Variants in NCAN observed in about 807,000 individuals in gnomAD.
NCAN encodes neurocan, also known as neurocan core protein.
Under a neutral mutation model 121.8 loss-of-function variants are expected in NCAN, and 47 were observed. The ratio of observed to expected loss-of-function variants is 0.39; its 90% CI spans 0.31 to 0.49. The LOEUF (loss-of-function observed/expected upper bound fraction) is 0.49. Among genes scored for constraint, NCAN ranks in the 20% least tolerant of loss-of-function variants. NCAN has a pLI of 0.92. For missense variants in NCAN, 1,517 were observed against 1,773.4 expected (o/e 0.86, Z 2.60); for synonymous variants, 633 against 702.0 (o/e 0.90, Z 1.55).
intron 11 of NCAN, among the ~76,000 whole-genome samples, chr19:19,239,753 T>C (rs1599821006): frequency 8.6e-6 from 1 of 116,384 alleles, no homozygotes; most frequent in Non-Finnish European, 1.7e-5. Context: ...CTTCTACTCC[T>C]CCTCCTTCTC....
rs935003459 is a variant in NCAN, at chr19:19,235,093, A to G, written c.3247A>G (p.Lys1083Glu). 1 of 1,609,754 alleles carries G rather than the reference A, an allele frequency of 6.2e-7. No homozygotes were observed. The highest frequency in any genetic ancestry group is 1.3e-5 in the African/African-American group (1 of 74,834). The change falls in exon 10 of 15, where the codon AAA becomes GAA. Residue 1083 changes from lysine to glutamate, a missense_variant. Coordinates refer to ENST00000252575, the MANE Select transcript of NCAN (RefSeq NM_004386.3). ...CAGCTATGGGGGCAGCTTTTGTGAG[A>G]AAGGTGAGTTTCTATTGCAACACCA... The part of the protein sequence containing the change: ...LPSYGGSFCE[K>E]DTEGCDRGWH...
intron 13 of NCAN, among the ~76,000 whole-genome samples, chr19:19,247,549 G>A (rs1359349045): frequency 1.3e-5 from 2 of 151,854 alleles, no homozygotes; most frequent in African/African-American, 4.8e-5. Flanking sequence ...CACCGCACCC[G>A]GCCCTTATTT....
At chr19:19,220,731 AC>A (rs1354003756) in intron 3 of NCAN, among the ~76,000 whole-genome samples, 3 of 152,024 alleles carry the variant, frequency 2.0e-5, no homozygotes, top group Admixed American at 6.6e-5. Context: ...TGCTAGGATT[AC>A]CAGGCATGAG....
chr19:19,245,947 C>T (rs538659837), intron 13 of NCAN, among the ~76,000 whole-genome samples: 16 of 152,226 alleles, frequency 1.1e-4, no homozygotes, highest in Middle Eastern at 3.4e-3. Context: ...ATAGGCCGCT[C>T]GGGGTGGCTC....
Position 19,225,252 on chromosome 19 carries a change from G to C in NCAN, c.1054G>C (p.Asp352His), listed in dbSNP as rs769417670. 1 of 1,550,012 alleles carries C rather than the reference G, an allele frequency of 6.5e-7. No individual in the cohort carries two copies. The highest frequency in any genetic ancestry group is 2.5e-5 in the East Asian group (1 of 39,584). The change falls in exon 6 of 15, where the codon GAC becomes CAC. Residue 352 changes from aspartate (D) to histidine (H), a missense_variant. Physicochemically the swap from Asp to His is moderately conservative, Grantham distance 81 (BLOSUM62 -1). Coordinates refer to ENST00000252575, the MANE Select transcript of NCAN (RefSeq NM_004386.3). This position sits in a 1 kb window ranked among gnomAD's most constrained non-coding sequence, Gnocchi z 4.0. ...CTTCCCCTCACCCGCCGAGCGCTTCGACGCCTACTGCTTCCGAGGTGCGTG... is the reference window on the plus strand; with the variant it reads ...CTTCCCCTCACCCGCCGAGCGCTTCCACGCCTACTGCTTCCGAGGTGCGTG... ...TGFPSPAERF[D>H]AYCFRAHHPT...
In NCAN at chr19:19,225,263, C is replaced by A; in HGVS notation, c.1065C>A (p.Cys355Ter). The A allele has an allele frequency of 6.5e-7, 1 of 1,538,318 alleles. No homozygotes were observed. Among genetic ancestry groups the A allele is most frequent in the Non-Finnish European group, 8.7e-7 (1 of 1,155,846 alleles). Residue 355 changes from cysteine to a stop codon, truncating the protein, a stop_gained, in exon 6 of 15, where the codon TGC (cysteine) becomes TGA (stop). Transcript: ENST00000252575. LOFTEE classifies it high-confidence loss of function. This position sits in a 1 kb window ranked among gnomAD's most constrained non-coding sequence, Gnocchi z 4.0. ...PSPAERFDAY[C>*]FRAHHPTSQH... ...CCGCCGAGCGCTTCGACGCCTACTG[C>A]TTCCGAGGTGCGTGCGTCCCCTGGT...
chr19:19,222,398 C>T (rs962592465), intron 3 of NCAN, among the ~76,000 whole-genome samples: 6 of 152,176 alleles, frequency 3.9e-5, no homozygotes, highest in Admixed American at 6.5e-5. Flanking sequence ...CCTGCTTCAG[C>T]CTCTGGAGTA....
chr19:19,245,439 G>A lies in NCAN; in HGVS notation c.3619G>A (p.Val1207Ile). The change falls in exon 13 of 15, where the codon GTC becomes ATC. Residue 1207 changes from valine (V) to isoleucine (I), a missense_variant. Coordinates refer to ENST00000252575, the MANE Select transcript of NCAN (RefSeq NM_004386.3). ...CCCCTGCAACTACAACCTACCCTAT[G>A]TCTGCAAGAAGGGCACAGGTATGCT... ...DVPCNYNLPY[V>I]CKKGTVLCGP... 1 of 1,614,126 alleles carries A rather than the reference G, an allele frequency of 6.2e-7. No individual in the cohort carries two copies. The highest frequency in any genetic ancestry group is 8.5e-7 in the Non-Finnish European group (1 of 1,179,988).
At chr19:19,215,761 G>A (rs1389985380) in intron 1 of NCAN, among the ~76,000 whole-genome samples, 2 of 152,212 alleles carry the variant, frequency 1.3e-5, no homozygotes, top group Non-Finnish European at 2.9e-5. Flanking sequence ...ATGGCTTAGA[G>A]GCCAGCCTGC....
chr19:19,236,074 A>G (rs1390961050), intron 10 of NCAN, among the ~76,000 whole-genome samples: 2 of 152,218 alleles, frequency 1.3e-5, no homozygotes, highest in Non-Finnish European at 2.9e-5. Flanking sequence ...TTTCAGTGGC[A>G]TTCTGTACAA....
At chr19:19,249,024 C>G in intron 14 of NCAN, 142 bp downstream of exon 14, 1 of 799,838 alleles carries the variant, frequency 1.3e-6, no homozygotes. Context: ...AACTTACCAG[C>G]CTGTCTGATG....
At chr19:19,213,504 G>T (rs2060783046) in intron 1 of NCAN, among the ~76,000 whole-genome samples, 1 of 104,652 alleles carries the variant, frequency 9.6e-6, no homozygotes, top group Non-Finnish European at 1.9e-5. Flanking sequence ...AGGGGTTTAT[G>T]TGGGGGGGGG....
intron 1 of NCAN, among the ~76,000 whole-genome samples, chr19:19,214,699 A>C (rs2060789610): frequency 6.6e-6 from 1 of 151,050 alleles, no homozygotes; most frequent in African/African-American, 2.4e-5. Flanking sequence ...AAGCAGAGCT[A>C]TCTGGATGTA....
chr19:19,225,190 G>C lies in NCAN; in HGVS notation c.992G>C (p.Gly331Ala). 1 of 1,555,662 alleles carries C rather than the reference G, an allele frequency of 6.4e-7. No homozygotes were observed. The highest frequency in any genetic ancestry group is 8.6e-7 in the Non-Finnish European group (1 of 1,162,040). The change falls in exon 6 of 15, where the codon GGC becomes GCC. Residue 331 changes from glycine to alanine, a missense_variant. Transcript: ENST00000252575. The surrounding 1 kb of genome is among the most constrained non-coding windows in gnomAD (Gnocchi z 4.0). ...PRRRCGGPAPGVRTVYRFANR... is the reference protein window; with the variant it reads ...PRRRCGGPAPAVRTVYRFANR... ...CGGCGCTGCGGGGGCCCAGCCCCGG[G>C]CGTGCGCACCGTCTACCGCTTCGCT...
rs1029009018 is a variant in NCAN, at chr19:19,212,215, G to A, written c.-8+151G>A. ...GGAGGGGAGCCCTAGGTTGAGGAGGGAGCGCGAACTGGGAGGGGGCTTGGG... is the reference window on the plus strand; with the variant it reads ...GGAGGGGAGCCCTAGGTTGAGGAGGAAGCGCGAACTGGGAGGGGGCTTGGG... On this transcript the variant is annotated intron_variant, in intron 1 of 14. Coordinates refer to ENST00000252575, the MANE Select transcript of NCAN (RefSeq NM_004386.3). This position sits in a 1 kb window ranked among gnomAD's most constrained non-coding sequence, Gnocchi z 4.5. Among the ~76,000 whole-genome samples, 1 of 151,792 alleles carries A rather than the reference G, an allele frequency of 6.6e-6. No homozygotes were observed. The highest frequency in any genetic ancestry group is 2.4e-5 in the African/African-American group (1 of 41,326).
rs199670091 is a variant in NCAN at position 19,249,891 on chromosome 19, G to A, written c.3946G>A (p.Asp1316Asn). ...KKHPTEDWEK[D>N]EGNFC ...ACACCCAACGGAGGACTGGGAGAAG[G>A]ACGAAGGGAATTTCTGCTGAAGAAC... Residue 1316 changes from aspartate to asparagine, a missense_variant, in exon 15 of 15, where the codon GAC becomes AAC. By Grantham distance (23) the Asp-to-Asn change is conservative (BLOSUM62 1). Coordinates refer to ENST00000252575, the MANE Select transcript of NCAN (RefSeq NM_004386.3). 1.2e-6 allele frequency: 2 copies of A among 1,613,926 alleles called. No individual in the cohort carries two copies. Among genetic ancestry groups the A allele is most frequent in the East Asian group, 2.2e-5 (1 of 44,878 alleles).
intron 13 of NCAN, among the ~76,000 whole-genome samples, chr19:19,246,805 G>A (rs1381510957): frequency 6.6e-6 from 1 of 152,112 alleles, no homozygotes; most frequent in African/African-American, 2.4e-5. Flanking sequence ...GCCTCCCAAA[G>A]TTCTGGGGTT....
intron 3 of NCAN, among the ~76,000 whole-genome samples, chr19:19,222,346 C>A (rs1280025069): frequency 1.3e-5 from 2 of 152,160 alleles, no homozygotes; most frequent in African/African-American, 4.8e-5. Flanking sequence ...GTGGTGTGAT[C>A]TTGGCTCACT....
intron 10 of NCAN, among the ~76,000 whole-genome samples, chr19:19,236,199 G>A (rs1474928673): frequency 6.6e-6 from 1 of 152,020 alleles, no homozygotes; most frequent in Non-Finnish European, 1.5e-5. Context: ...CCAGTCCCTG[G>A]CAACCACTAA....
Sources: gnomAD v4.1 joint callset for allele counts (sites outside exome capture counted in the v4.1 genomes callset) on GRCh38, gnomAD v4.1.1 for gene constraint, Gnocchi (gnomAD v3.1) non-coding constraint, MANE v1.5 for transcripts, NCBI Gene and HGNC (gene_info 2026-07-23, HGNC 2026-07-21) for gene names.